The following NHLRC2 variants were observed in gnomAD, a reference collection of about 807,000 sequenced individuals.
The protein encoded by NHLRC2 is NHL repeat containing 2.
NHLRC2 carries 33 observed loss-of-function variants against 68.1 expected under a neutral mutation model. The ratio of observed to expected loss-of-function variants is 0.48; its 90% CI spans 0.37 to 0.65. The LOEUF is 0.65. Ranked by LOEUF, NHLRC2 falls within the 30% of genes least tolerant of loss-of-function variation. NHLRC2 has a pLI of 0.00. For missense variants in NHLRC2, 761 were observed against 853.8 expected (o/e 0.89, Z 1.35); for synonymous variants, 311 against 309.6 (o/e 1.00, Z -0.05).
At chr10:113,860,184 G>A (rs1237458814) in intron 2 of NHLRC2, among the ~76,000 whole-genome samples, 3 of 152,100 alleles carry the variant, frequency 2.0e-5, no homozygotes, top group African/African-American at 7.2e-5. Context: ...TTAGTAGACG[G>A]ATGACATTTG....
At position 113,866,481 on chromosome 10, in the gene NHLRC2, A is replaced by G. The variant is rs368387446; in HGVS notation, c.331+7801A>G. On this transcript the variant is annotated intron_variant, in intron 2 of 10. Transcript: ENST00000369301. ...ACTTTTGTTTTATAAGAAAACTTCT[A>G]TTAGGAAAGCCTTGTGTATTTTAAT... Among the ~76,000 whole-genome samples, 6 of 152,286 alleles carry G rather than the reference A, an allele frequency of 3.9e-5. No individual in the cohort carries two copies. In the East Asian group the frequency reaches 5.8e-4, roughly 15 times the overall value.
chr10:113,856,503 T>G (rs571644478), intron 1 of NHLRC2, among the ~76,000 whole-genome samples: 1 of 152,106 alleles, frequency 6.6e-6, no homozygotes, highest in Non-Finnish European at 1.5e-5. Context: ...TAAAAGATTG[T>G]TTACATCTAT....
intron 4 of NHLRC2, among the ~76,000 whole-genome samples, chr10:113,882,388 A>T (rs968686088): frequency 2.6e-5 from 4 of 151,796 alleles, no homozygotes; most frequent in African/African-American, 9.7e-5. Context: ...TAAAAATTCT[A>T]GCCATCCTAC....
chr10:113,886,778 A>G (rs1459640501), intron 5 of NHLRC2, among the ~76,000 whole-genome samples: 13 of 152,180 alleles, frequency 8.5e-5, no homozygotes, highest in Admixed American at 8.5e-4. Context: ...ACAAGAAGAA[A>G]ACAGGAAAAG....
intron 6 of NHLRC2, among the ~76,000 whole-genome samples, chr10:113,901,271 T>G (rs935227198): frequency 8.5e-5 from 13 of 152,208 alleles, no homozygotes; most frequent in Non-Finnish European, 1.9e-4. Flanking sequence ...AAGAGCTAGA[T>G]GATCTTTTTA....
intron 2 of NHLRC2, among the ~76,000 whole-genome samples, chr10:113,866,300 A>G (rs150283523): frequency 1.3e-4 from 20 of 152,354 alleles, no homozygotes; most frequent in Admixed American, 3.9e-4. Context: ...TTATTAATTA[A>G]TAATAACTTA....
intron 5 of NHLRC2, among the ~76,000 whole-genome samples, chr10:113,896,976 G>A (rs544185217): frequency 6.6e-6 from 1 of 150,394 alleles, no homozygotes; most frequent in Non-Finnish European, 1.5e-5. Context: ...CCTGGGGGAC[G>A]GAGTGAGACT....
intron 5 of NHLRC2, among the ~76,000 whole-genome samples, chr10:113,887,680 G>A (rs1404424211): frequency 6.6e-6 from 1 of 152,166 alleles, no homozygotes; most frequent in Non-Finnish European, 1.5e-5. Flanking sequence ...GCTGAGGTGG[G>A]AGAATCACTT....
At chr10:113,881,141 A>G (rs577546415) in intron 4 of NHLRC2, among the ~76,000 whole-genome samples, 1 of 152,016 alleles carries the variant, frequency 6.6e-6, no homozygotes, top group Non-Finnish European at 1.5e-5. Flanking sequence ...GTATGTGTCT[A>G]TAATTCGTCA....
Position 113,917,186 on chromosome 10 carries a change from T to C in NHLRC2, c.*8650T>C, listed in dbSNP as rs1202773800. On this transcript the variant is annotated 3_prime_UTR_variant, in exon 11 of 11. Transcript: ENST00000369301. ...TTCGTGAAATAGATTAAATATTTTC[T>C]CTCTAAAACCATGTTTCTGTTTTAA... 6.6e-6 allele frequency: 1 copy of C among 152,174 alleles called. No individual in the cohort carries two copies. Among genetic ancestry groups the C allele is most frequent in the African/African-American group, 2.4e-5 (1 of 41,448 alleles). 9.4% of individuals were successfully genotyped at this position (152,174 alleles called of 1,614,324 possible). A position where few individuals can be genotyped will look rare whatever the true frequency, so the allele number is the denominator to read the frequency against.
chr10:113,873,578 G>T (rs932788843), intron 2 of NHLRC2, among the ~76,000 whole-genome samples: 1 of 152,106 alleles, frequency 6.6e-6, no homozygotes, highest in East Asian at 1.9e-4. Context: ...TCAAGCAGAG[G>T]TGTGTGTGCG....
At chr10:113,899,875 TG>T (rs1026145685) in intron 6 of NHLRC2, among the ~76,000 whole-genome samples, 2 of 151,834 alleles carry the variant, frequency 1.3e-5, no homozygotes, top group Non-Finnish European at 2.9e-5. Flanking sequence ...GCTGAGATTG[TG>T]CCACTGCACT....
At chr10:113,898,266 C>A (rs948055037) in intron 6 of NHLRC2, 57 bp downstream of exon 6, 3 of 1,214,502 alleles carry the variant, frequency 2.5e-6, no homozygotes, top group South Asian at 2.5e-5. Context: ...CATATAATTT[C>A]TTTTTTCAAA....
rs116556852 is a variant in NHLRC2 at position 113,865,890 on chromosome 10, C to T, written c.331+7210C>T. Among the ~76,000 whole-genome samples, 883 of 152,152 alleles carry T rather than the reference C, an allele frequency of 5.8e-3. 8 individuals are homozygous for T. The highest frequency in any genetic ancestry group is 0.019 in the African/African-American group (804 of 41,500). On this transcript the variant is annotated intron_variant, in intron 2 of 10. Coordinates refer to ENST00000369301, the MANE Select transcript of NHLRC2 (RefSeq NM_198514.4). ...TCACTAAGTCACTAAATTGAATTTGCTTTTTTGTAGTTAAATATCTTCTCC... is the reference window on the plus strand; with the variant it reads ...TCACTAAGTCACTAAATTGAATTTGTTTTTTTGTAGTTAAATATCTTCTCC...
intron 4 of NHLRC2, 98 bp from the exon 5 acceptor site, chr10:113,884,153 C>G: frequency 9.1e-7 from 1 of 1,102,190 alleles, no homozygotes; most frequent in Non-Finnish European, 1.3e-6. Context: ...TGCACATACA[C>G]TCTAAATGTT....
In NHLRC2 at chr10:113,912,911, G is replaced by C. The variant is rs966365812; in HGVS notation, c.*4375G>C. 1 of 152,194 alleles carries C rather than the reference G, an allele frequency of 6.6e-6. No individual in the cohort carries two copies. The highest frequency in any genetic ancestry group is 2.4e-5 in the African/African-American group (1 of 41,526). 9.4% of individuals were successfully genotyped at this position (152,194 alleles called of 1,614,324 possible). A position where few individuals can be genotyped will look rare whatever the true frequency, so the allele number is the denominator to read the frequency against. ...TCATTCCTAACTCCAAGATGCAGAG[G>C]GAAAACGAACTGCTCAATTAAGAGT... On this transcript the variant is annotated 3_prime_UTR_variant, in exon 11 of 11. Transcript: ENST00000369301.
Position 113,917,117 on chromosome 10 carries a change from A to T in NHLRC2, c.*8581A>T, listed in dbSNP as rs1398157082. On this transcript the variant is annotated 3_prime_UTR_variant, in exon 11 of 11. Coordinates refer to ENST00000369301, the MANE Select transcript of NHLRC2 (RefSeq NM_198514.4). Reference sequence around the variant, plus strand: ...GAAGGTGAGAATGTGTTTATACTGTATATGGAAACCTAATGCCTCTTTTCT... The same window carrying T: ...GAAGGTGAGAATGTGTTTATACTGTTTATGGAAACCTAATGCCTCTTTTCT... 2 of 152,184 alleles carry T rather than the reference A, an allele frequency of 1.3e-5. No homozygotes were observed. The highest frequency in any genetic ancestry group is 4.8e-5 in the African/African-American group (2 of 41,448). The allele number at this position is 152,184 out of a possible 1,614,324, so 9.4% of individuals were successfully genotyped here. A position where few individuals can be genotyped will look rare whatever the true frequency, so the allele number is the denominator to read the frequency against.
At chr10:113,898,364 G>A (rs1203218009) in intron 6 of NHLRC2, among the ~76,000 whole-genome samples, 155 bp downstream of exon 6, 2 of 152,236 alleles carry the variant, frequency 1.3e-5, no homozygotes, top group African/African-American at 2.4e-5. Flanking sequence ...AAAACAAGGC[G>A]TGTTTATTGC....
rs1467216539 is a variant in NHLRC2 at position 113,913,757 on chromosome 10, C to G, written c.*5221C>G. 6.6e-6 allele frequency: 1 copy of G among 151,896 alleles called. No individual in the cohort carries two copies. The highest frequency in any genetic ancestry group is 1.5e-5 in the Non-Finnish European group (1 of 68,002). The allele number at this position is 151,896 out of a possible 1,614,324, so 9.4% of individuals were successfully genotyped here. A position where few individuals can be genotyped will look rare whatever the true frequency, so the allele number is the denominator to read the frequency against. ...GGTATGCAGACCCCTCCCCATGACT[C>G]AAATATTAATATATGCAATTCTGTT... On this transcript the variant is annotated 3_prime_UTR_variant, in exon 11 of 11. Coordinates refer to ENST00000369301, the MANE Select transcript of NHLRC2 (RefSeq NM_198514.4).
Sources: allele counts gnomAD v4.1 joint callset (sites outside exome capture counted in the v4.1 genomes callset), GRCh38; gene constraint gnomAD v4.1.1; transcripts MANE v1.5; gene names NCBI Gene and HGNC (gene_info 2026-07-23, HGNC 2026-07-21).